Variants in PTPRO observed in about 807,000 individuals in gnomAD.
PTPRO encodes protein tyrosine phosphatase receptor type O.
A neutral mutation model predicts 145.2 loss-of-function variants in PTPRO; 62 were observed. The observed-to-expected ratio is 0.43, with a 90% confidence interval of 0.35 to 0.53. The LOEUF (loss-of-function observed/expected upper bound fraction) is 0.53, where lower values mean the gene tolerates loss of function less well. Among genes scored for constraint, PTPRO ranks in the 20% least tolerant of loss-of-function variants. The pLI is 0.01. For synonymous variants in PTPRO, 565 were observed against 514.7 expected, an observed-to-expected ratio of 1.10 and a Z score of -1.32; for missense variants, 1,345 against 1,482.7, an observed-to-expected ratio of 0.91 and a Z score of 1.53.
intron 1 of PTPRO, among the ~76,000 whole-genome samples, chr12:15,365,914 C>T (rs1453898260): frequency 6.6e-6 from 1 of 152,148 alleles, no homozygotes; most frequent in African/African-American, 2.4e-5. Context: ...AATCCTGGCC[C>T]ATTAGAGATT....
rs554978716 is a variant in PTPRO, at chr12:15,386,372, A to C, written c.75+63571A>C. On this transcript the variant is annotated intron_variant, in intron 1 of 26. Transcript: ENST00000281171. The stretch of plus-strand genomic sequence containing the variant: ...AAAAAATAACTTCTACTTCTGAGAA[A>C]TTTTAATGAATAATATTAAATGGAG... 1.4e-3 allele frequency among the ~76,000 whole-genome samples: 217 copies of C among 152,320 alleles called. 6 individuals carry two copies. In the South Asian group the frequency reaches 0.044, roughly 31 times the overall value.
At chr12:15,469,324 T>G (rs1454925498) in intron 1 of PTPRO, among the ~76,000 whole-genome samples, 3 of 152,126 alleles carry the variant, frequency 2.0e-5, no homozygotes, top group African/African-American at 7.2e-5. Flanking sequence ...GGGTGCTTCA[T>G]TTTATGAAAA....
At chr12:15,342,793 A>C (rs1343472185) in intron 1 of PTPRO, among the ~76,000 whole-genome samples, 1 of 152,158 alleles carries the variant, frequency 6.6e-6, no homozygotes, top group East Asian at 1.9e-4. Context: ...AGCCTTTCTT[A>C]GTATGTCAAG....
chr12:15,525,919 T>G (rs1204339503), intron 11 of PTPRO, among the ~76,000 whole-genome samples: 5 of 152,184 alleles, frequency 3.3e-5, no homozygotes, highest in African/African-American at 1.2e-4. Flanking sequence ...CATTGCAAAA[T>G]TTTTCTGATG....
chr12:15,365,421 T>C (rs1191523030), intron 1 of PTPRO, among the ~76,000 whole-genome samples: 3 of 152,184 alleles, frequency 2.0e-5, no homozygotes, highest in Admixed American at 2.0e-4. Flanking sequence ...TTTATATATA[T>C]ATATATCTCC....
chr12:15,359,082 G>A (rs1468677572), intron 1 of PTPRO, among the ~76,000 whole-genome samples: 3 of 152,166 alleles, frequency 2.0e-5, no homozygotes, highest in Admixed American at 6.5e-5. Context: ...TTGGAACTGG[G>A]CTATGCTGAA....
intron 23 of PTPRO, 62 bp downstream of exon 23, chr12:15,581,863 G>C: frequency 6.2e-7 from 1 of 1,609,674 alleles, no homozygotes. Flanking sequence ...GACCAGTTTG[G>C]TCGGGGAGAC....
At chr12:15,570,813 C>T (rs1447472539) in intron 19 of PTPRO, among the ~76,000 whole-genome samples, 1 of 152,148 alleles carries the variant, frequency 6.6e-6, no homozygotes, top group Non-Finnish European at 1.5e-5. Flanking sequence ...ATTAAAGCCA[C>T]ATTTTCTTAA....
At chr12:15,405,775 G>T (rs1395369358) in intron 1 of PTPRO, among the ~76,000 whole-genome samples, 3 of 152,078 alleles carry the variant, frequency 2.0e-5, no homozygotes. Context: ...TGAACCACAA[G>T]CTTATTTAAT....
intron 1 of PTPRO, among the ~76,000 whole-genome samples, chr12:15,471,755 C>G (rs1941547447): frequency 6.6e-6 from 1 of 152,128 alleles, no homozygotes; most frequent in Non-Finnish European, 1.5e-5. Context: ...GCTTGTTGCC[C>G]AAAATATATC....
chr12:15,404,188 C>CAAAA (rs370733389), intron 1 of PTPRO, among the ~76,000 whole-genome samples: 27 of 49,960 alleles, frequency 5.4e-4, no homozygotes, highest in East Asian at 1.5e-3. Context: ...GACCCCATCT[C>CAAAA]AAAAAAAAAA....
At chr12:15,353,813 T>C (rs1937891797) in intron 1 of PTPRO, among the ~76,000 whole-genome samples, 1 of 152,196 alleles carries the variant, frequency 6.6e-6, no homozygotes, top group South Asian at 2.1e-4. Context: ...CATTTCCACC[T>C]CTTGGTAGCC....
rs1280020772 is a variant in PTPRO, at chr12:15,597,236, T to C, written c.*1163T>C. 1 of 152,244 alleles carries C rather than the reference T, an allele frequency of 6.6e-6. No individual in the cohort carries two copies. Among genetic ancestry groups the C allele is most frequent in the Admixed American group, 6.5e-5 (1 of 15,282 alleles). 9.4% of individuals were successfully genotyped at this position (152,244 alleles called of 1,614,324 possible). A position where few individuals can be genotyped will look rare whatever the true frequency, so the allele number is the denominator to read the frequency against. On this transcript the variant is annotated 3_prime_UTR_variant, in exon 27 of 27. Transcript: ENST00000281171. The stretch of plus-strand genomic sequence containing the variant: ...TTTGTATAATTACAGTACATGATTG[T>C]GTATTGTGACATGAATGCTGTCAAA...
intron 21 of PTPRO, 127 bp downstream of exon 21, chr12:15,580,242 GT>G (rs1209127767): frequency 1.4e-6 from 1 of 736,828 alleles, no homozygotes; most frequent in Non-Finnish European, 2.3e-6. Flanking sequence ...ATTCTAAAAA[GT>G]TTGCATTACT....
intron 2 of PTPRO, among the ~76,000 whole-genome samples, chr12:15,494,813 CT>C (rs2136457758): frequency 6.6e-6 from 1 of 152,306 alleles, no homozygotes; most frequent in East Asian, 1.9e-4. Flanking sequence ...GCCCTTCTAA[CT>C]TCTCTTTTCA....
At chr12:15,472,224 G>T (rs1358946518) in intron 1 of PTPRO, among the ~76,000 whole-genome samples, 1 of 152,092 alleles carries the variant, frequency 6.6e-6, no homozygotes, top group African/African-American at 2.4e-5. Flanking sequence ...ATCAACACTG[G>T]CTCTGACTCA....
intron 1 of PTPRO, among the ~76,000 whole-genome samples, chr12:15,434,320 A>G (rs993806060): frequency 6.6e-6 from 1 of 152,206 alleles, no homozygotes; most frequent in Non-Finnish European, 1.5e-5. Context: ...TTAGGTTTCT[A>G]TTCAACACTT....
intron 25 of PTPRO, among the ~76,000 whole-genome samples, chr12:15,593,986 T>C (rs764176889): frequency 1.3e-5 from 2 of 152,158 alleles, no homozygotes; most frequent in Non-Finnish European, 2.9e-5. Flanking sequence ...AAAGACATAG[T>C]TTCTAACTTC....
At chr12:15,387,930 G>A (rs544194352) in intron 1 of PTPRO, among the ~76,000 whole-genome samples, 2 of 152,246 alleles carry the variant, frequency 1.3e-5, no homozygotes, top group South Asian at 4.1e-4. Flanking sequence ...TTCTTATAGA[G>A]ACTAGAGCAG....
Sources: allele counts gnomAD v4.1 joint callset (sites outside exome capture counted in the v4.1 genomes callset), GRCh38; gene constraint gnomAD v4.1.1; transcripts MANE v1.5; gene names NCBI Gene and HGNC (gene_info 2026-07-23, HGNC 2026-07-21).